NPHP3: variants seen among roughly 807,000 people sequenced by gnomAD.
The protein encoded by NPHP3 is nephrocystin-3.
NPHP3 carries 123 observed loss-of-function variants against 171.9 expected under a neutral mutation model. That is an observed-to-expected ratio of 0.72 (90% CI 0.62 to 0.83). The LOEUF is 0.83. NPHP3 is among the 40% of genes least tolerant of loss of function. The pLI, the probability that NPHP3 is intolerant of heterozygous loss-of-function variation, is 0.00. For synonymous variants in NPHP3, 558 were observed against 579.2 expected, an observed-to-expected ratio of 0.96 and a Z score of 0.52; for missense variants, 1,506 against 1,591.9, an observed-to-expected ratio of 0.95 and a Z score of 0.92.
At position 132,689,105 on chromosome 3, in the gene NPHP3, C is replaced by G; in HGVS notation, c.2852G>C (p.Arg951Pro). 1 of 1,614,128 alleles carries G rather than the reference C, an allele frequency of 6.2e-7. No individual in the cohort carries two copies. Among genetic ancestry groups the G allele is most frequent in the Non-Finnish European group, 8.5e-7 (1 of 1,179,996 alleles). The stretch of plus-strand genomic sequence containing the variant: ...GAGAAGGCCTAGATCCTTGAGAAAT[C>G]GCCCCAAGGTTTCATAAAGATCAGC... Reference protein sequence around the residue: ...CLADLYETLGRFLKDLGLLSQ... With the variant: ...CLADLYETLGPFLKDLGLLSQ... Residue 951 changes from arginine (R) to proline (P), a missense_variant, in exon 20 of 27, where the codon CGA (arginine) becomes CCA (proline). Transcript: ENST00000337331.
At chr3:132,709,486 T>A (rs1379997199) in intron 6 of NPHP3, among the ~76,000 whole-genome samples, 2 of 152,064 alleles carry the variant, frequency 1.3e-5, no homozygotes, top group Non-Finnish European at 2.9e-5. Flanking sequence ...TTTCACCATG[T>A]TGCCCAGGCA....
At chr3:132,708,418 T>G (rs1474403395) in intron 6 of NPHP3, among the ~76,000 whole-genome samples, 161 bp from the exon 7 acceptor site, 2 of 152,260 alleles carry the variant, frequency 1.3e-5, no homozygotes, top group Non-Finnish European at 2.9e-5. Context: ...GGATGTGTTA[T>G]GGCTCTCTTC....
At chr3:132,714,642 T>C (rs188442593) in intron 5 of NPHP3, among the ~76,000 whole-genome samples, 3 of 152,124 alleles carry the variant, frequency 2.0e-5, no homozygotes, top group East Asian at 1.9e-4. Flanking sequence ...AGTGGGAAGA[T>C]TGCTTGAGCT....
rs1157229330 is a variant in NPHP3, at chr3:132,686,299, T to C, written c.3290A>G (p.Asn1097Ser). The C allele has an allele frequency of 9.9e-6, 16 of 1,613,822 alleles. No individual in the cohort carries two copies. The highest frequency in any genetic ancestry group is 3.3e-5 in the Admixed American group (2 of 60,010). ...AAGATAGTAGAGAACACCCAGTTCA[T>C]TGAGGGTCCGAGCATTATCAGGTGT... ...KDTPDNARTLNELGVLYYLQN... is the reference protein window; with the variant it reads ...KDTPDNARTLSELGVLYYLQN... Residue 1097 changes from asparagine (N) to serine (S), a missense_variant, in exon 23 of 27, where the codon AAT becomes AGT. Transcript: ENST00000337331.
rs1321320008 is a variant in NPHP3 at position 132,687,180 on chromosome 3, G to T, written c.3172C>A (p.Gln1058Lys). ...TTGCCTTTTTTCTTTATAGCTTTCT[G>T]ATGAATTTTAAAGGATTTTTTCCTA... ...HFRKKSFKIH[Q>K]KAIKKKGNLY... The change falls in exon 22 of 27, where the codon CAG becomes AAG. Residue 1058 changes from glutamine to lysine, a missense_variant. Around this residue, in one of 3 missense-constraint regions of NPHP3, gnomAD observed 569 missense variants for 648.1 expected, o/e 0.88. Transcript: ENST00000337331. The T allele has an allele frequency of 1.4e-6, 2 of 1,479,026 alleles. No homozygotes were observed. Among genetic ancestry groups the T allele is most frequent in the African/African-American group, 2.8e-5 (2 of 72,186 alleles). 91.6% of individuals were successfully genotyped at this position (1,479,026 alleles called of 1,614,324 possible). A position where few individuals can be genotyped will look rare whatever the true frequency, so the allele number is the denominator to read the frequency against.
chr3:132,689,076 G>A lies in NPHP3; in HGVS notation c.2881C>T (p.Gln961Ter). The change falls in exon 20 of 27, where the codon CAG (glutamine) becomes TAG (stop). Residue 961 changes from glutamine (Q) to a stop codon, truncating the protein, a stop_gained and splice_region_variant. Coordinates refer to ENST00000337331, the MANE Select transcript of NPHP3 (RefSeq NM_153240.5). LOFTEE classifies it high-confidence loss of function. ...TGCCATTGATCTGCTGAGCTTACCT[G>A]ACTGAGAAGGCCTAGATCCTTGAGA... is the stretch of plus-strand genomic sequence containing the variant. ...RFLKDLGLLS[Q>*]AIVPLQRSLE... 7 of 1,614,090 alleles carry A rather than the reference G, an allele frequency of 4.3e-6. No homozygotes were observed. Among genetic ancestry groups the A allele is most frequent in the Non-Finnish European group, 5.9e-6 (7 of 1,179,974 alleles).
intron 8 of NPHP3, 135 bp downstream of exon 8, chr3:132,705,605 C>T (rs1163137409): frequency 1.7e-6 from 1 of 595,082 alleles, no homozygotes; most frequent in Admixed American, 2.9e-5. Context: ...GATGGACTCC[C>T]AACAGAAACA....
rs1309968155 is a variant in NPHP3 at position 132,721,958 on chromosome 3, G to T, written c.393+5C>A. The T allele has an allele frequency of 6.2e-7, 1 of 1,612,244 alleles. No individual in the cohort carries two copies. The highest frequency in any genetic ancestry group is 1.7e-4 in the Middle Eastern group (1 of 6,056). ...TCCCGGCGTCGCGGCCCAGCCCGGC[G>T]TTACCTGCAGTTCGGCCCGCAGCCG... On this transcript the variant is annotated splice_donor_5th_base_variant and intron_variant, in intron 1 of 26. Transcript: ENST00000337331.
At chr3:132,707,903 T>C (rs1173110158) in intron 7 of NPHP3, among the ~76,000 whole-genome samples, 198 bp downstream of exon 7, 1 of 152,148 alleles carries the variant, frequency 6.6e-6, no homozygotes, top group Non-Finnish European at 1.5e-5. Flanking sequence ...AGTGAAAAGC[T>C]AATATCCTCA....
intron 12 of NPHP3, among the ~76,000 whole-genome samples, chr3:132,699,708 A>G (rs1419914912): frequency 1.3e-5 from 2 of 152,178 alleles, no homozygotes; most frequent in Non-Finnish European, 2.9e-5. Context: ...TTAATTGTGT[A>G]AATTCAGTTG....
intron 9 of NPHP3, among the ~76,000 whole-genome samples, chr3:132,702,535 A>G (rs1488720424): frequency 6.6e-6 from 1 of 152,228 alleles, no homozygotes; most frequent in Non-Finnish European, 1.5e-5. Context: ...TTCAAAAATT[A>G]TCTTGAGACT....
In NPHP3 at chr3:132,706,085, C is replaced by T. The variant is rs9842176; in HGVS notation, c.1276-271G>A. ...GCAATAAAACAAGAAGTAGGCCAGG[C>T]GCGGTGGCTCATGCCTGTAATCCCA... On this transcript the variant is annotated intron_variant, in intron 7 of 26. Transcript: ENST00000337331. 0.056 allele frequency among the ~76,000 whole-genome samples: 8,524 copies of T among 151,878 alleles called. 287 individuals carry two copies. The highest frequency in any genetic ancestry group is 0.071 in the Non-Finnish European group (4,843 of 67,950).
intron 13 of NPHP3, among the ~76,000 whole-genome samples, chr3:132,697,985 CT>C (rs753485150): frequency 2.2e-3 from 309 of 143,558 alleles, no homozygotes; most frequent in Non-Finnish European, 1.9e-3. Context: ...AATTGCTCTA[CT>C]TTTTTTTTTT....
intron 16 of NPHP3, among the ~76,000 whole-genome samples, chr3:132,694,168 A>C (rs1379147003): frequency 6.6e-6 from 1 of 152,084 alleles, no homozygotes; most frequent in African/African-American, 2.4e-5. Context: ...TGTGAGCTTG[A>C]TATTTGTCAG....
chr3:132,701,646 GA>G lies in NPHP3; in HGVS notation c.1525-114del, dbSNP rs1424834757. On this transcript the variant is annotated intron_variant, in intron 9 of 26. Coordinates refer to ENST00000337331, the MANE Select transcript of NPHP3 (RefSeq NM_153240.5). ...CTGGAGAAAAGCTGTGTGAGAAAAT[GA>G]AATCTATTTTTAGTGACAGCACCCT... 8 of 768,966 alleles carry G rather than the reference GA, an allele frequency of 1.0e-5. No homozygotes were observed. The East Asian group carries it at 1.7e-4, about 16-fold the overall frequency. The allele number at this position is 768,966 out of a possible 1,614,324, so 47.6% of individuals were successfully genotyped here.
intron 6 of NPHP3, among the ~76,000 whole-genome samples, chr3:132,709,546 G>T (rs1355919845): frequency 1.3e-5 from 2 of 152,146 alleles, no homozygotes; most frequent in Non-Finnish European, 2.9e-5. Flanking sequence ...GCCTCCCAAA[G>T]TGCTGGGATT....
intron 6 of NPHP3, among the ~76,000 whole-genome samples, chr3:132,709,755 GC>G (rs1311516341): frequency 6.6e-6 from 1 of 152,124 alleles, no homozygotes; most frequent in African/African-American, 2.4e-5. Context: ...TAGACTACTA[GC>G]CCAAAATATT....
In NPHP3 at chr3:132,684,609, T is replaced by C. The variant is rs2107963298; in HGVS notation, c.3515A>G (p.Asp1172Gly). Residue 1172 changes from aspartate (D) to glycine (G), a missense_variant, in exon 24 of 27, where the codon GAT becomes GGT. Coordinates refer to ENST00000337331, the MANE Select transcript of NPHP3 (RefSeq NM_153240.5). ...LDIRRRALAP[D>G]HPSLAYTVKH... ...CACCGTATATGCCAAAGAAGGGTGA[T>C]CAGGAGCTAATGCACGTCTCCGAAT... The C allele has an allele frequency of 1.2e-6, 2 of 1,614,054 alleles. No individual in the cohort carries two copies. Among genetic ancestry groups the C allele is most frequent in the Non-Finnish European group, 1.7e-6 (2 of 1,179,914 alleles).
At chr3:132,697,024 T>C (rs1326202458) in intron 14 of NPHP3, among the ~76,000 whole-genome samples, 1 of 152,234 alleles carries the variant, frequency 6.6e-6, no homozygotes, top group African/African-American at 2.4e-5. Context: ...AATGCTCTTT[T>C]GCTTTTAAAA....
Sources: gnomAD v4.1 joint callset for allele counts (sites outside exome capture counted in the v4.1 genomes callset) on GRCh38, gnomAD v4.1.1 for gene constraint, gnomAD v4.1.1 regional missense constraint, MANE v1.5 for transcripts, NCBI Gene and HGNC (gene_info 2026-07-23, HGNC 2026-07-21) for gene names.